Variants in CNTN4 observed in about 807,000 individuals in gnomAD.
The protein encoded by CNTN4 is contactin-4.
A neutral mutation model predicts 122.5 loss-of-function variants in CNTN4; 77 were observed. That is an observed-to-expected ratio of 0.63 (90% CI 0.52 to 0.76). The LOEUF (loss-of-function observed/expected upper bound fraction) is 0.76. CNTN4 is among the 30% of genes least tolerant of loss of function. The pLI, the probability that CNTN4 is intolerant of heterozygous loss-of-function variation, is 0.00. For missense variants in CNTN4, 1,256 were observed against 1,259.1 expected (o/e 1.00, Z 0.04); for synonymous variants, 512 against 447.0 (o/e 1.15, Z -1.83).
At chr3:2,980,402 A>G (rs1366070906) in intron 13 of CNTN4, among the ~76,000 whole-genome samples, 4 of 128,896 alleles carry the variant, frequency 3.1e-5, no homozygotes, top group African/African-American at 1.7e-4. Flanking sequence ...GAACAGATTT[A>G]CATTTTCAAT....
intron 4 of CNTN4, among the ~76,000 whole-genome samples, chr3:2,584,717 AAAAAG>A (rs2080104439): frequency 6.6e-6 from 1 of 151,282 alleles, no homozygotes; most frequent in East Asian, 1.9e-4. Flanking sequence ...AAAAAAAAAA[AAAAAG>A]AATAAAAAAA....
At chr3:2,184,693 T>A (rs549530174) in intron 2 of CNTN4, among the ~76,000 whole-genome samples, 1 of 152,106 alleles carries the variant, frequency 6.6e-6, no homozygotes, top group South Asian at 2.1e-4. Context: ...CATCCCTTCA[T>A]GTAAGGACAC....
At chr3:2,295,257 A>T (rs915934863) in intron 2 of CNTN4, among the ~76,000 whole-genome samples, 1 of 141,788 alleles carries the variant, frequency 7.1e-6, no homozygotes, top group African/African-American at 2.7e-5. Context: ...CGCCACACTG[A>T]CTTCCACAAT....
At chr3:2,508,534 T>C (rs1486334197) in intron 3 of CNTN4, among the ~76,000 whole-genome samples, 1 of 152,144 alleles carries the variant, frequency 6.6e-6, no homozygotes, top group African/African-American at 2.4e-5. Flanking sequence ...GTATTTAGCT[T>C]GGTGAATCTT....
rs186333928 is a variant in CNTN4, at chr3:3,011,146, A to C, written c.1487-14956A>C. On this transcript the variant is annotated intron_variant, in intron 14 of 24. Coordinates refer to ENST00000418658, the MANE Select transcript of CNTN4 (RefSeq NM_175607.3). Reference sequence around the variant, plus strand: ...AGCCTCAGGAGAATTATAAGATAGAAGACAAGTGGGGGAAGAAAAGGTTTA... The same window carrying C: ...AGCCTCAGGAGAATTATAAGATAGACGACAAGTGGGGGAAGAAAAGGTTTA... Among the ~76,000 whole-genome samples, 286 of 152,320 alleles carry C rather than the reference A, an allele frequency of 1.9e-3. 2 individuals carry two copies. Among genetic ancestry groups the C allele is most frequent in the Non-Finnish European group, 3.2e-3 (219 of 68,036 alleles).
rs1216937122 is a variant in CNTN4 at position 3,048,514 on chromosome 3, CTCTG to C, written c.2811+4812_2811+4815del. 4.8e-3 allele frequency among the ~76,000 whole-genome samples: 648 copies of C among 134,018 alleles called. 5 individuals carry two copies. Among genetic ancestry groups the C allele is most frequent in the African/African-American group, 0.015 (451 of 30,438 alleles). The allele number at this position is 134,018 out of a possible 152,430, so 87.9% of individuals were successfully genotyped here. On this transcript the variant is annotated intron_variant, in intron 23 of 24. Coordinates refer to ENST00000418658, the MANE Select transcript of CNTN4 (RefSeq NM_175607.3). ...TAACTCTCTCTCTTTCTCTCTCTCT[CTCTG>C]TGTGTGTGTGTGTGTGTGTGTGTGT... is the stretch of plus-strand genomic sequence containing the variant.
chr3:2,581,701 A>C (rs528674889), intron 4 of CNTN4, among the ~76,000 whole-genome samples: 1 of 152,346 alleles, frequency 6.6e-6, no homozygotes, highest in African/African-American at 2.4e-5. Context: ...TTTGCACACA[A>C]ATGTTCATAA....
chr3:2,461,485 A>T lies in CNTN4; in HGVS notation c.-88-109931A>T, dbSNP rs189258915. On this transcript the variant is annotated intron_variant, in intron 3 of 24. Coordinates refer to ENST00000418658, the MANE Select transcript of CNTN4 (RefSeq NM_175607.3). ...TTATGCAAGCTCAGTGATCTCTCCC[A>T]GGCTGGCCAGCTACTAAGCGGTAGA... Among the ~76,000 whole-genome samples the T allele has an allele frequency of 2.9e-3, 440 of 152,274 alleles. 8 individuals carry two copies. The highest frequency in any genetic ancestry group is 9.4e-4 in the Non-Finnish European group (64 of 68,014).
At chr3:2,874,298 T>G (rs2093818388) in intron 8 of CNTN4, among the ~76,000 whole-genome samples, 2 of 152,328 alleles carry the variant, frequency 1.3e-5, no homozygotes, top group African/African-American at 4.8e-5. Context: ...TTTCAGCCTG[T>G]GGGAACCTAC....
intron 2 of CNTN4, among the ~76,000 whole-genome samples, chr3:2,249,136 G>T (rs1312931019): frequency 5.3e-5 from 4 of 75,814 alleles, no homozygotes; most frequent in Admixed American, 1.8e-4. Flanking sequence ...GTCAATTAAA[G>T]AAAATAAAAT....
intron 4 of CNTN4, among the ~76,000 whole-genome samples, chr3:2,728,795 C>T (rs1260071378): frequency 6.6e-6 from 1 of 152,166 alleles, no homozygotes; most frequent in Non-Finnish European, 1.5e-5. Flanking sequence ...CTTGTGTTCC[C>T]CATTAGGTGT....
intron 2 of CNTN4, among the ~76,000 whole-genome samples, chr3:2,316,001 T>A (rs73807715): frequency 1.3e-5 from 2 of 152,056 alleles, no homozygotes; most frequent in African/African-American, 4.8e-5. Context: ...TTCTAACTTC[T>A]GGTATTATTT....
chr3:2,890,034 A>G (rs957771896), intron 10 of CNTN4, among the ~76,000 whole-genome samples: 9 of 152,344 alleles, frequency 5.9e-5, no homozygotes, highest in African/African-American at 2.2e-4. Flanking sequence ...GCAGAATAAA[A>G]TAAAATTTGC....
chr3:2,207,802 GT>G (rs1445936830), intron 2 of CNTN4, among the ~76,000 whole-genome samples: 1 of 152,040 alleles, frequency 6.6e-6, no homozygotes, highest in Non-Finnish European at 1.5e-5. Flanking sequence ...GCCATGTAGG[GT>G]TTTCATAGTT....
Position 2,221,646 on chromosome 3 carries a change from C to CTGATATGGG in CNTN4, c.-144-117531_-144-117523dup, listed in dbSNP as rs2039065596. On this transcript the variant is annotated intron_variant, in intron 2 of 24. Coordinates refer to ENST00000418658, the MANE Select transcript of CNTN4 (RefSeq NM_175607.3). ...GGAGAAAATACTTTTACATATATATCTGATATGGGACTTATAACTAGAATA... is the reference window on the plus strand; with the variant it reads ...GGAGAAAATACTTTTACATATATATCTGATATGGGTGATATGGGACTTATAACTAGAATA... Among the ~76,000 whole-genome samples, 11 of 152,078 alleles carry CTGATATGGG rather than the reference C, an allele frequency of 7.2e-5. No homozygotes were observed. In the South Asian group the frequency reaches 2.3e-3, roughly 32 times the overall value.
chr3:2,923,518 A>T (rs939325153), intron 12 of CNTN4, among the ~76,000 whole-genome samples: 2 of 152,222 alleles, frequency 1.3e-5, no homozygotes, highest in African/African-American at 4.8e-5. Flanking sequence ...TAACACAGCT[A>T]GCCAAGGGAA....
At chr3:2,846,372 C>T (rs750239865) in intron 7 of CNTN4, among the ~76,000 whole-genome samples, 5 of 152,140 alleles carry the variant, frequency 3.3e-5, no homozygotes, top group Non-Finnish European at 7.4e-5. Flanking sequence ...GTCCTTCCTG[C>T]CACCATGTGA....
At chr3:2,789,064 G>A (rs1002565657) in intron 6 of CNTN4, among the ~76,000 whole-genome samples, 1 of 151,952 alleles carries the variant, frequency 6.6e-6, no homozygotes, top group Admixed American at 6.6e-5. Context: ...ACATAATCAG[G>A]TGGATCTTTA....
intron 2 of CNTN4, among the ~76,000 whole-genome samples, chr3:2,275,498 C>A (rs1309130584): frequency 3.3e-5 from 5 of 152,078 alleles, no homozygotes; most frequent in Non-Finnish European, 7.4e-5. Flanking sequence ...CTTCTGAACT[C>A]CTTTAGCAAT....
Sources: gnomAD v4.1 joint callset for allele counts (sites outside exome capture counted in the v4.1 genomes callset) on GRCh38, gnomAD v4.1.1 for gene constraint, MANE v1.5 for transcripts, NCBI Gene and HGNC (gene_info 2026-07-23, HGNC 2026-07-21) for gene names.